CDKL1: variants seen among roughly 807,000 people sequenced by gnomAD.
The protein encoded by CDKL1 is cyclin dependent kinase like 1.
Under a neutral mutation model 42.0 loss-of-function variants are expected in CDKL1, and 41 were observed. That is an observed-to-expected ratio of 0.98 (90% CI 0.76 to 1.27). The LOEUF is 1.27. Ranked by LOEUF, CDKL1 falls within the 50% of genes most tolerant of loss-of-function variation. The pLI is 0.00. For synonymous variants in CDKL1, 153 were observed against 158.6 expected (o/e 0.96, Z 0.26); for missense variants, 394 against 428.4 (o/e 0.92, Z 0.71).
At chr14:50,330,379 A>G (rs2032870639) in intron 9 of CDKL1, 198 bp from the exon 10 acceptor site, 1 of 560,778 alleles carries the variant, frequency 1.8e-6, no homozygotes, top group African/African-American at 2.0e-5. Flanking sequence ...TTAAAAAGGA[A>G]AAACATTCAC....
intron 9 of CDKL1, chr14:50,330,520 T>C (rs1566567970): frequency 4.2e-6 from 1 of 236,194 alleles, no homozygotes; most frequent in African/African-American, 2.4e-5. Flanking sequence ...TGCCTTGTCT[T>C]ATAGCGGAGA....
intron 2 of CDKL1, chr14:50,363,003 G>A (rs1403190197): frequency 4.3e-6 from 2 of 460,752 alleles, no homozygotes; most frequent in South Asian, 1.6e-5. Context: ...AAGGGCTGCA[G>A]CTTCACTCTT....
At chr14:50,344,214 T>C (rs1041187345) in intron 4 of CDKL1, among the ~76,000 whole-genome samples, 4 of 152,176 alleles carry the variant, frequency 2.6e-5, no homozygotes, top group African/African-American at 4.8e-5. Flanking sequence ...AGGCTTTCGA[T>C]AGGTTGCTTG....
intron 1 of CDKL1, among the ~76,000 whole-genome samples, chr14:50,396,567 C>A (rs1044227124): frequency 2.0e-4 from 31 of 152,316 alleles, no homozygotes; most frequent in Admixed American, 2.6e-4. Context: ...GGCTGGAGTA[C>A]GGGGAGGGCT....
At chr14:50,367,407 T>C (rs2034463926) in intron 2 of CDKL1, among the ~76,000 whole-genome samples, 1 of 152,154 alleles carries the variant, frequency 6.6e-6, no homozygotes, top group Non-Finnish European at 1.5e-5. Context: ...GGGGTAGAAC[T>C]CAAAGGGACA....
rs11570856 is a variant in CDKL1, at chr14:50,334,831, G to A, written c.739-210C>T. ...CAAATCGCTTTTCCAAATTTGCTTC[G>A]TAACTACTCCCTTAACTTCCTGCTC... is the stretch of plus-strand genomic sequence containing the variant. On this transcript the variant is annotated intron_variant, in intron 7 of 9. Coordinates refer to ENST00000395834, the MANE Select transcript of CDKL1 (RefSeq NM_004196.7). 1,306 of 515,570 alleles carry A rather than the reference G, an allele frequency of 2.5e-3. 16 individuals are homozygous for A. The highest frequency in any genetic ancestry group is 0.022 in the African/African-American group (1,093 of 50,614). The allele number at this position is 515,570 out of a possible 1,614,324, so 31.9% of individuals were successfully genotyped here. A position where few individuals can be genotyped will look rare whatever the true frequency, so the allele number is the denominator to read the frequency against.
intron 4 of CDKL1, chr14:50,342,791 C>T (rs1165002838): frequency 2.1e-6 from 2 of 968,524 alleles, no homozygotes; most frequent in East Asian, 8.4e-5. Context: ...AAGCCCTGGG[C>T]CTGCTGAGAT....
At chr14:50,346,158 C>CA (rs929787821) in intron 3 of CDKL1, among the ~76,000 whole-genome samples, 16 of 152,106 alleles carry the variant, frequency 1.1e-4, no homozygotes, top group African/African-American at 3.6e-4. Flanking sequence ...AGAGAGGCTA[C>CA]AAGGCCACTG....
intron 2 of CDKL1, chr14:50,379,978 T>G: frequency 5.1e-6 from 2 of 388,764 alleles, no homozygotes; most frequent in South Asian, 3.8e-5. Flanking sequence ...AATGCTACCA[T>G]GGCCTCAGGT....
chr14:50,329,991 A>T lies in CDKL1; in HGVS notation c.*83T>A, dbSNP rs1300859468. On this transcript the variant is annotated 3_prime_UTR_variant, in exon 10 of 10. Coordinates refer to ENST00000395834, the MANE Select transcript of CDKL1 (RefSeq NM_004196.7). ...CTCCTGGTGTGTTTTCAACATTGTA[A>T]TTGTTTTCAATCAACTGTATAAGTT... The T allele has an allele frequency of 4.2e-5, 62 of 1,488,484 alleles. No homozygotes were observed. The highest frequency in any genetic ancestry group is 2.3e-4 in the South Asian group (18 of 77,404). The allele number at this position is 1,488,484 out of a possible 1,614,324, so 92.2% of individuals were successfully genotyped here.
chr14:50,332,429 A>G lies in CDKL1; in HGVS notation c.799T>C (p.Cys267Arg), dbSNP rs2033004575. Residue 267 changes from cysteine to arginine, a missense_variant, in exon 9 of 10, where the codon TGT (cysteine) becomes CGT (arginine). Coordinates refer to ENST00000395834, the MANE Select transcript of CDKL1 (RefSeq NM_004196.7). ...CTTTGAGTAGGGTCCATGTGGAGACAGCCCTAAAAGAACAGAAAATTCCTT... is the reference window on the plus strand; with the variant it reads ...CTTTGAGTAGGGTCCATGTGGAGACGGCCCTAAAAGAACAGAAAATTCCTT... ...SYPALGLLKG[C>R]LHMDPTQRLT... 6.3e-7 allele frequency: 1 copy of G among 1,592,692 alleles called. No homozygotes were observed. The highest frequency in any genetic ancestry group is 1.4e-5 in the African/African-American group (1 of 73,362).
chr14:50,384,467 G>T (rs2035012853), intron 2 of CDKL1, among the ~76,000 whole-genome samples: 2 of 152,212 alleles, frequency 1.3e-5, no homozygotes, highest in South Asian at 4.1e-4. Flanking sequence ...GGGACATTTG[G>T]CTGTGCCACA....
In CDKL1 at chr14:50,359,131, G is replaced by A. The variant is rs2034159383; in HGVS notation, c.187C>T (p.Leu63Phe). ...RMLKQLKHPNLVNLLEVFRRK... is the reference protein window; with the variant it reads ...RMLKQLKHPNFVNLLEVFRRK... ...CTGAAGACTTCCAGGAGGTTAACAAGGTTGGGATGCTTGAGTTGCTGAAAA... is the reference window on the plus strand; with the variant it reads ...CTGAAGACTTCCAGGAGGTTAACAAAGTTGGGATGCTTGAGTTGCTGAAAA... The change falls in exon 3 of 10, where the codon CTT (leucine) becomes TTT (phenylalanine). Residue 63 changes from leucine to phenylalanine, a missense_variant. Physicochemically the swap from Leu to Phe is conservative, Grantham distance 22 (BLOSUM62 0). Transcript: ENST00000395834. The A allele has an allele frequency of 2.5e-6, 4 of 1,608,912 alleles. No individual in the cohort carries two copies. The highest frequency in any genetic ancestry group is 1.3e-5 in the African/African-American group (1 of 74,768).
At chr14:50,393,870 T>C (rs2035327633) in intron 2 of CDKL1, among the ~76,000 whole-genome samples, 1 of 152,206 alleles carries the variant, frequency 6.6e-6, no homozygotes, top group African/African-American at 2.4e-5. Context: ...GAGAACACAT[T>C]TGACTTCCCC....
chr14:50,385,776 C>A (rs903317639), intron 2 of CDKL1, among the ~76,000 whole-genome samples: 1 of 135,734 alleles, frequency 7.4e-6, no homozygotes, highest in Non-Finnish European at 1.5e-5. Context: ...TGCACTCCAA[C>A]CTAGGCAACA....
At chr14:50,337,354 G>T (rs538859096) in intron 7 of CDKL1, among the ~76,000 whole-genome samples, 9 of 148,816 alleles carry the variant, frequency 6.0e-5, no homozygotes, top group African/African-American at 1.7e-4. Flanking sequence ...TAACTACATG[G>T]TATTTCTTAT....
intron 6 of CDKL1, among the ~76,000 whole-genome samples, chr14:50,339,700 T>C (rs1297337859): frequency 3.3e-5 from 5 of 151,642 alleles, no homozygotes; most frequent in Non-Finnish European, 7.4e-5. Context: ...TGTGACATAA[T>C]GAAACAAGAA....
chr14:50,396,619 G>T, intron 1 of CDKL1: 4 of 260,804 alleles, frequency 1.5e-5, no homozygotes, highest in South Asian at 1.4e-4. Flanking sequence ...ATTTCCCTGC[G>T]GCAAGAAGAC....
At chr14:50,354,321 AAG>A (rs1319110568) in intron 3 of CDKL1, among the ~76,000 whole-genome samples, 1 of 152,232 alleles carries the variant, frequency 6.6e-6, no homozygotes, top group South Asian at 2.1e-4. Flanking sequence ...TAATCTAAAA[AAG>A]AGAGAGAACA....
Sources: allele counts gnomAD v4.1 joint callset (sites outside exome capture counted in the v4.1 genomes callset), GRCh38; gene constraint gnomAD v4.1.1; transcripts MANE v1.5; gene names NCBI Gene and HGNC (gene_info 2026-07-23, HGNC 2026-07-21).